EMCN: variants seen among roughly 807,000 people sequenced by gnomAD.
The protein encoded by EMCN is endomucin.
In EMCN, 37 loss-of-function variants were observed where a neutral mutation model predicts 38.4. The ratio of observed to expected loss-of-function variants is 0.96; its 90% CI spans 0.74 to 1.27. The LOEUF (loss-of-function observed/expected upper bound fraction) is 1.27. Among genes scored for constraint, EMCN ranks in the 50% most tolerant of loss-of-function variants. The pLI is 0.00. For synonymous variants in EMCN, 95 were observed against 100.8 expected, an observed-to-expected ratio of 0.94 and a Z score of 0.35; for missense variants, 318 against 302.8, an observed-to-expected ratio of 1.05 and a Z score of -0.37.
At chr4:100,460,379 T>G (rs185651164) in intron 4 of EMCN, among the ~76,000 whole-genome samples, 1 of 152,274 alleles carries the variant, frequency 6.6e-6, no homozygotes, top group East Asian at 1.9e-4. Context: ...TATAGGTGTA[T>G]TAGTCTGTTC....
chr4:100,406,611 T>C (rs1726398890), intron 11 of EMCN, among the ~76,000 whole-genome samples: 1 of 152,150 alleles, frequency 6.6e-6, no homozygotes, highest in Non-Finnish European at 1.5e-5. Context: ...GCTGGTATGA[T>C]TTTGGCTTTT....
chr4:100,483,155 C>A (rs1728856213), intron 1 of EMCN, among the ~76,000 whole-genome samples: 1 of 152,098 alleles, frequency 6.6e-6, no homozygotes, highest in Non-Finnish European at 1.5e-5. Context: ...AATGTAAATA[C>A]TTTCTGTGGG....
intron 5 of EMCN, among the ~76,000 whole-genome samples, chr4:100,432,591 C>A (rs768942237): frequency 6.6e-6 from 1 of 152,124 alleles, no homozygotes; most frequent in Non-Finnish European, 1.5e-5. Context: ...TAGGTTCATA[C>A]CAAGTTTGGG....
chr4:100,511,105 G>A (rs1251285417), intron 1 of EMCN, among the ~76,000 whole-genome samples: 3 of 152,174 alleles, frequency 2.0e-5, no homozygotes, highest in African/African-American at 7.2e-5. Context: ...TACTCGAGCG[G>A]TAAGTCTTTA....
At position 100,447,822 on chromosome 4, in the gene EMCN, C is replaced by T. The variant is rs114459742; in HGVS notation, c.377-251G>A. ...GGTTTTGTGGACCATAAATCTCTGT[C>T]ATAACTATTCACCTCTGCCTTACAC... is the stretch of plus-strand genomic sequence containing the variant. On this transcript the variant is annotated intron_variant, in intron 4 of 11. Coordinates refer to ENST00000296420, the MANE Select transcript of EMCN (RefSeq NM_016242.4). Among the ~76,000 whole-genome samples, 934 of 152,144 alleles carry T rather than the reference C, an allele frequency of 6.1e-3. 11 individuals are homozygous for T. The highest frequency in any genetic ancestry group is 0.021 in the African/African-American group (889 of 41,508).
intron 2 of EMCN, among the ~76,000 whole-genome samples, chr4:100,478,575 A>G (rs2110279335): frequency 6.6e-6 from 1 of 152,266 alleles, no homozygotes. Context: ...CAGGAAGGGG[A>G]AATAAAAAGA....
rs1560631515 is a variant in EMCN at position 100,475,665 on chromosome 4, T to A, written c.188-556A>T. 1.9e-3 allele frequency among the ~76,000 whole-genome samples: 14 copies of A among 7,248 alleles called. 1 individual carries two copies. Among genetic ancestry groups the A allele is most frequent in the South Asian group, 8.2e-3 (1 of 122 alleles). 4.8% of individuals were successfully genotyped at this position (7,248 alleles called of 152,430 possible). On this transcript the variant is annotated intron_variant, in intron 2 of 11. Transcript: ENST00000296420. Reference sequence around the variant, plus strand: ...GCAGTATCCAATTCTAGTCCTTTTTTTTTTTTTTTTTTTTTTTTTTTTTTT... The same window carrying A: ...GCAGTATCCAATTCTAGTCCTTTTTATTTTTTTTTTTTTTTTTTTTTTTTT...
intron 11 of EMCN, among the ~76,000 whole-genome samples, chr4:100,407,491 C>T (rs1409466101): frequency 6.6e-6 from 1 of 152,078 alleles, no homozygotes; most frequent in African/African-American, 2.4e-5. Flanking sequence ...TCTAGTTTGG[C>T]TGGATATGAA....
chr4:100,416,159 C>T (rs1726727446), intron 9 of EMCN, among the ~76,000 whole-genome samples, 200 bp from the exon 10 acceptor site: 1 of 151,784 alleles, frequency 6.6e-6, no homozygotes, highest in Non-Finnish European at 1.5e-5. Flanking sequence ...TGTCTTTTCA[C>T]ATACAAATAC....
chr4:100,490,349 G>C (rs1328441108), intron 1 of EMCN, among the ~76,000 whole-genome samples: 4 of 152,064 alleles, frequency 2.6e-5, no homozygotes, highest in Admixed American at 1.3e-4. Context: ...ATTACCATAA[G>C]ATAAGCTTAA....
intron 1 of EMCN, among the ~76,000 whole-genome samples, chr4:100,501,668 T>C (rs1729353905): frequency 6.6e-6 from 1 of 152,126 alleles, no homozygotes; most frequent in Admixed American, 6.5e-5. Flanking sequence ...TTCAATAAAG[T>C]GTTATAATTA....
chr4:100,512,277 A>G (rs1035037611), intron 1 of EMCN, among the ~76,000 whole-genome samples: 4 of 152,052 alleles, frequency 2.6e-5, no homozygotes, highest in African/African-American at 9.7e-5. Context: ...TTAAAAATCT[A>G]TTTTTCTTAT....
chr4:100,420,605 A>T (rs1726862352), intron 8 of EMCN, among the ~76,000 whole-genome samples: 6 of 151,982 alleles, frequency 3.9e-5, no homozygotes, highest in Admixed American at 3.3e-4. Flanking sequence ...CTTGGAACAG[A>T]AAAAAGACTG....
chr4:100,440,929 CA>C (rs988981044), intron 5 of EMCN, among the ~76,000 whole-genome samples: 8 of 150,108 alleles, frequency 5.3e-5, no homozygotes, highest in African/African-American at 1.7e-4. Context: ...ACTAAAAATA[CA>C]AAAAAAAAGT....
chr4:100,415,663 T>A (rs1212362558), intron 10 of EMCN, among the ~76,000 whole-genome samples: 1 of 152,192 alleles, frequency 6.6e-6, no homozygotes, highest in African/African-American at 2.4e-5. Context: ...TCCAGCCATC[T>A]ACACATCCAC....
intron 1 of EMCN, among the ~76,000 whole-genome samples, chr4:100,497,655 C>T (rs1241977351): frequency 1.3e-5 from 2 of 152,100 alleles, no homozygotes; most frequent in Admixed American, 1.3e-4. Flanking sequence ...GGATTACAGG[C>T]GTGAGCCACC....
chr4:100,492,132 AT>A (rs1729098377), intron 1 of EMCN, among the ~76,000 whole-genome samples: 1 of 152,234 alleles, frequency 6.6e-6, no homozygotes, highest in African/African-American at 2.4e-5. Flanking sequence ...GAAAATAGGA[AT>A]AAAAAATTAA....
At chr4:100,452,846 C>T (rs922792659) in intron 4 of EMCN, among the ~76,000 whole-genome samples, 3 of 151,984 alleles carry the variant, frequency 2.0e-5, no homozygotes, top group Non-Finnish European at 4.4e-5. Flanking sequence ...ACCAATGGAA[C>T]AGAACAGAGC....
intron 11 of EMCN, among the ~76,000 whole-genome samples, chr4:100,398,895 A>T (rs992564371): frequency 2.0e-5 from 3 of 152,142 alleles, no homozygotes; most frequent in Admixed American, 6.6e-5. Context: ...TTCCAAATTA[A>T]ACACACACTG....
Sources: allele counts gnomAD v4.1 joint callset (sites outside exome capture counted in the v4.1 genomes callset), GRCh38; gene constraint gnomAD v4.1.1; transcripts MANE v1.5; gene names NCBI Gene and HGNC (gene_info 2026-07-23, HGNC 2026-07-21).